The following MGAT4C variants were observed in gnomAD, a reference collection of about 807,000 sequenced individuals.
MGAT4C encodes the protein alpha-1,3-mannosyl-glycoprotein 4-beta-N-acetylglucosaminyltransferase C.
A neutral mutation model predicts 40.1 loss-of-function variants in MGAT4C; 19 were observed. The observed-to-expected ratio is 0.47, with a 90% CI of 0.33 to 0.70. The LOEUF (loss-of-function observed/expected upper bound fraction) is 0.70. MGAT4C is among the 30% of genes least tolerant of loss of function. The pLI is 0.02. For synonymous variants in MGAT4C, 181 were observed against 187.1 expected (o/e 0.97, Z 0.27); for missense variants, 491 against 563.2 (o/e 0.87, Z 1.30).
rs929085467 is a variant in MGAT4C at position 86,625,447 on chromosome 12, T to C, written c.-229+101762A>G. Among the ~76,000 whole-genome samples the C allele has an allele frequency of 4.6e-5, 7 of 152,178 alleles. No homozygotes were observed. The East Asian group carries it at 1.4e-3, about 29-fold the overall frequency. On this transcript the variant is annotated intron_variant, in intron 2 of 7. Coordinates refer to the MGAT4C transcript ENST00000548651. ...TATTAAAAACAATAAAGTAAAAATG[T>C]TGGATTTGAAAAGGAACATAACAGA...
chr12:86,226,832 G>A (rs993912678), intron 1 of MGAT4C, among the ~76,000 whole-genome samples: 3 of 151,852 alleles, frequency 2.0e-5, no homozygotes, highest in African/African-American at 7.3e-5. Flanking sequence ...GTCCATATCA[G>A]AATATAGTAT....
intron 2 of MGAT4C, among the ~76,000 whole-genome samples, chr12:86,536,746 G>A (rs941381430): frequency 6.6e-6 from 1 of 152,156 alleles, no homozygotes; most frequent in Non-Finnish European, 1.5e-5. Context: ...TACCACCCAT[G>A]TGTTCTTTCT....
chr12:86,252,929 TATA>T (rs776884690), intron 1 of MGAT4C, among the ~76,000 whole-genome samples: 2 of 151,922 alleles, frequency 1.3e-5, no homozygotes, highest in Non-Finnish European at 1.5e-5. Context: ...ATTTTATTCT[TATA>T]ATATTTCAGT....
rs867860395 is a variant in MGAT4C, at chr12:85,959,451, C to G, written c.*19838G>C. The G allele has an allele frequency of 2.0e-5, 3 of 151,164 alleles. No individual in the cohort carries two copies. The highest frequency in any genetic ancestry group is 1.3e-4 in the Admixed American group (2 of 15,152). The allele number at this position is 151,164 out of a possible 1,614,324, so 9.4% of individuals were successfully genotyped here. The stretch of plus-strand genomic sequence containing the variant: ...CTCTCTTTCTCTTTTTTATTTTTGC[C>G]ATTTCTTCTCAGGAGCCCCTGCAAT... On this transcript the variant is annotated 3_prime_UTR_variant, in exon 5 of 5. Coordinates refer to ENST00000611864, the MANE Select transcript of MGAT4C (RefSeq NM_001351288.2).
intron 4 of MGAT4C, among the ~76,000 whole-genome samples, chr12:86,298,712 A>C (rs1250425973): frequency 6.6e-6 from 1 of 152,150 alleles, no homozygotes; most frequent in East Asian, 1.9e-4. Flanking sequence ...CATACTGAGA[A>C]ACCTGTTGTG....
intron 2 of MGAT4C, among the ~76,000 whole-genome samples, chr12:86,031,679 C>T (rs995542980): frequency 6.6e-6 from 1 of 151,816 alleles, no homozygotes. Context: ...AAAAATGGAG[C>T]AATTTCAGAT....
intron 2 of MGAT4C, among the ~76,000 whole-genome samples, chr12:85,998,859 A>G (rs1171247236): frequency 6.6e-6 from 1 of 151,944 alleles, no homozygotes; most frequent in Non-Finnish European, 1.5e-5. Context: ...CCTGTTACCC[A>G]TTTCCAAAGT....
intron 1 of MGAT4C, among the ~76,000 whole-genome samples, chr12:86,177,245 G>T (rs1022591911): frequency 5.9e-5 from 9 of 152,230 alleles, no homozygotes; most frequent in Admixed American, 6.5e-5. Flanking sequence ...AATTGAGAAA[G>T]TAATGATGAT....
intron 1 of MGAT4C, among the ~76,000 whole-genome samples, chr12:86,168,286 T>C (rs1473069078): frequency 6.6e-6 from 1 of 152,178 alleles, no homozygotes; most frequent in Non-Finnish European, 1.5e-5. Context: ...TACAAAGTTA[T>C]CATGTTAAAT....
At chr12:86,605,980 T>C (rs770162780) in intron 2 of MGAT4C, among the ~76,000 whole-genome samples, 1 of 152,108 alleles carries the variant, frequency 6.6e-6, no homozygotes, top group African/African-American at 2.4e-5. Flanking sequence ...GGAGAGGCCT[T>C]AGAAAGCTTA....
chr12:86,314,942 A>G (rs1302771969), intron 4 of MGAT4C, among the ~76,000 whole-genome samples: 1 of 152,302 alleles, frequency 6.6e-6, no homozygotes, highest in East Asian at 1.9e-4. Context: ...TACAGACACA[A>G]CACTATACCC....
In MGAT4C at chr12:85,960,748, G is replaced by A. The variant is rs768743282; in HGVS notation, c.*18541C>T. The A allele has an allele frequency of 3.6e-4, 55 of 151,876 alleles. No homozygotes were observed. The highest frequency in any genetic ancestry group is 7.1e-4 in the Non-Finnish European group (48 of 67,808). The allele number at this position is 151,876 out of a possible 1,614,324, so 9.4% of individuals were successfully genotyped here. A position where few individuals can be genotyped will look rare whatever the true frequency, so the allele number is the denominator to read the frequency against. On this transcript the variant is annotated 3_prime_UTR_variant, in exon 5 of 5. Coordinates refer to ENST00000611864, the MANE Select transcript of MGAT4C (RefSeq NM_001351288.2). ...TAATTTTTGTTTATTTGGATATAACGTGAATGGGCCCATACCATAAACTCC... is the reference window on the plus strand; with the variant it reads ...TAATTTTTGTTTATTTGGATATAACATGAATGGGCCCATACCATAAACTCC...
chr12:86,572,461 C>A (rs1324969932), intron 2 of MGAT4C, among the ~76,000 whole-genome samples: 1 of 151,954 alleles, frequency 6.6e-6, no homozygotes, highest in Non-Finnish European at 1.5e-5. Flanking sequence ...TTTTATCACT[C>A]CATTGCTAAA....
chr12:86,744,723 A>G (rs972230447), intron 1 of MGAT4C, among the ~76,000 whole-genome samples: 19 of 151,518 alleles, frequency 1.3e-4, no homozygotes, highest in African/African-American at 4.4e-4. Flanking sequence ...TTAGGAGTCT[A>G]TGAGTATGGA....
At chr12:86,837,675 C>A (rs1953064475) in intron 1 of MGAT4C, among the ~76,000 whole-genome samples, 1 of 151,986 alleles carries the variant, frequency 6.6e-6, no homozygotes, top group African/African-American at 2.4e-5. Flanking sequence ...TTTCATTGAG[C>A]CTATTCACAC....
chr12:86,792,868 T>C (rs1425113497), intron 1 of MGAT4C, among the ~76,000 whole-genome samples: 1 of 152,000 alleles, frequency 6.6e-6, no homozygotes, highest in Non-Finnish European at 1.5e-5. Context: ...AGGGCAGAGG[T>C]TGCAGTGAGC....
In MGAT4C at chr12:86,575,369, C is replaced by A. The variant is rs140578797; in HGVS notation, c.-228-140104G>T. Among the ~76,000 whole-genome samples, 725 of 151,916 alleles carry A rather than the reference C, an allele frequency of 4.8e-3. 4 individuals carry two copies. Among genetic ancestry groups the A allele is most frequent in the Non-Finnish European group, 5.6e-3 (378 of 67,816 alleles). ...TACTTCCCATCCCCAAACCCCAATA[C>A]CCTTCACAGCCTCTGGTAACTATCC... On this transcript the variant is annotated intron_variant, in intron 2 of 7. Coordinates refer to the MGAT4C transcript ENST00000548651.
rs557436036 is a variant in MGAT4C at position 86,762,641 on chromosome 12, A to C, written c.-261-35400T>G. On this transcript the variant is annotated intron_variant, in intron 1 of 7. Transcript: ENST00000548651. ...TCCCCTGGTTAAGTAAGCAATGAAA[A>C]ACCCATTGAATATTTTCATTACATG... Among the ~76,000 whole-genome samples, 50 of 152,288 alleles carry C rather than the reference A, an allele frequency of 3.3e-4. 1 individual carries two copies. The highest frequency in any genetic ancestry group is 1.2e-3 in the African/African-American group (49 of 41,562).
intron 3 of MGAT4C, among the ~76,000 whole-genome samples, chr12:86,376,824 GA>G (rs1955834035): frequency 9.2e-6 from 1 of 108,568 alleles, no homozygotes; most frequent in Non-Finnish European, 2.0e-5. Flanking sequence ...GAGACAGAGA[GA>G]GAGAGAGAGA....
Sources: gnomAD v4.1 joint callset for allele counts (sites outside exome capture counted in the v4.1 genomes callset) on GRCh38, gnomAD v4.1.1 for gene constraint, MANE v1.5 for transcripts, NCBI Gene and HGNC (gene_info 2026-07-23, HGNC 2026-07-21) for gene names.